The following TRHDE variants were observed in gnomAD, a reference collection of about 807,000 sequenced individuals.
TRHDE encodes the protein thyrotropin releasing hormone degrading enzyme.
In TRHDE, 72 loss-of-function variants were observed where a neutral mutation model predicts 125.7. The ratio of observed to expected loss-of-function variants is 0.57; its 90% CI spans 0.47 to 0.70. The LOEUF is 0.70. TRHDE is among the 30% of genes least tolerant of loss of function. The pLI is 0.00. For synonymous variants in TRHDE, 509 were observed against 509.1 expected, an observed-to-expected ratio of 1.00 and a Z score of 0.00; for missense variants, 1,110 against 1,327.1, an observed-to-expected ratio of 0.84 and a Z score of 2.54.
intron 6 of TRHDE, among the ~76,000 whole-genome samples, chr12:72,512,630 ATAT>A (rs1237961984): frequency 7.7e-5 from 11 of 142,878 alleles, no homozygotes; most frequent in East Asian, 6.0e-4. Flanking sequence ...CATATATATC[ATAT>A]TATCATATAT....
intron 2 of TRHDE, among the ~76,000 whole-genome samples, chr12:72,230,504 C>T (rs966419014): frequency 3.9e-5 from 6 of 152,188 alleles, no homozygotes; most frequent in Admixed American, 1.3e-4. Flanking sequence ...CAAATAAAAG[C>T]TGTCCGTAGA....
At chr12:72,327,877 C>T (rs1195880751) in intron 2 of TRHDE, among the ~76,000 whole-genome samples, 1 of 152,138 alleles carries the variant, frequency 6.6e-6, no homozygotes, top group Non-Finnish European at 1.5e-5. Flanking sequence ...TTGTTTCGCT[C>T]AGGCTTCTTT....
intron 3 of TRHDE, among the ~76,000 whole-genome samples, chr12:72,385,457 T>C (rs761921936): frequency 1.2e-4 from 19 of 152,150 alleles, no homozygotes; most frequent in Non-Finnish European, 1.9e-4. Context: ...TGTCTTCCTA[T>C]TTTATGTAGG....
chr12:72,091,618 G>T (rs1422482604), intron 1 of TRHDE, among the ~76,000 whole-genome samples: 1 of 152,124 alleles, frequency 6.6e-6, no homozygotes, highest in East Asian at 1.9e-4. Context: ...AATATTGTTG[G>T]AGGCCGAAAG....
chr12:72,601,178 C>T (rs1872190389), intron 12 of TRHDE, among the ~76,000 whole-genome samples: 1 of 152,036 alleles, frequency 6.6e-6, no homozygotes, highest in Admixed American at 6.5e-5. Flanking sequence ...TTGATTCCAA[C>T]TGTCTGGGAT....
chr12:72,456,891 G>A (rs1875883217), intron 3 of TRHDE, among the ~76,000 whole-genome samples: 1 of 152,024 alleles, frequency 6.6e-6, no homozygotes, highest in African/African-American at 2.4e-5. Flanking sequence ...AATTGAACTA[G>A]GGAATATTTG....
intron 2 of TRHDE, among the ~76,000 whole-genome samples, chr12:72,359,895 G>A (rs1262005732): frequency 2.0e-5 from 3 of 151,762 alleles, no homozygotes; most frequent in Non-Finnish European, 2.9e-5. Flanking sequence ...ATTACAGAAT[G>A]TGGTATTGGC....
intron 7 of TRHDE, among the ~76,000 whole-genome samples, chr12:72,545,205 A>T (rs191569174): frequency 4.8e-4 from 72 of 151,548 alleles, no homozygotes; most frequent in African/African-American, 1.2e-3. Flanking sequence ...AAATGCAAAA[A>T]TGTTTACATT....
chr12:72,380,740 TTCCTTCCTTCCTTCCTTCCTTCCTTG>T (rs1872114713), intron 3 of TRHDE, among the ~76,000 whole-genome samples: 1 of 97,150 alleles, frequency 1.0e-5, no homozygotes, highest in Admixed American at 1.0e-4. Context: ...CCTTGCTTCC[TTCCTTCCTTCCTTCCTTCCTTCCTTG>T]CTTCCTTCCT....
intron 6 of TRHDE, among the ~76,000 whole-genome samples, chr12:72,533,470 G>T (rs946574971): frequency 6.6e-6 from 1 of 152,070 alleles, no homozygotes; most frequent in South Asian, 2.1e-4. Flanking sequence ...ACCATGCCCA[G>T]CTGAAAATTA....
intron 10 of TRHDE, among the ~76,000 whole-genome samples, chr12:72,572,116 C>A (rs1036562540): frequency 1.3e-5 from 2 of 151,814 alleles, no homozygotes; most frequent in Non-Finnish European, 2.9e-5. Flanking sequence ...ACAAAATATC[C>A]TCATTTGATT....
chr12:72,100,433 A>T (rs1566214482), intron 1 of TRHDE, among the ~76,000 whole-genome samples: 1 of 152,202 alleles, frequency 6.6e-6, no homozygotes, highest in Non-Finnish European at 1.5e-5. Context: ...CTTAACGAAA[A>T]GCCAACAACT....
At position 72,550,486 on chromosome 12, in the gene TRHDE, A is replaced by G. The variant is rs530571208; in HGVS notation, c.1788+8130A>G. On this transcript the variant is annotated intron_variant, in intron 7 of 18. Transcript: ENST00000261180. ...AAAGTGCATGTAATAGCCTAGAACT[A>G]TATATTTGGAAAGGTTACAAAAAAT... Among the ~76,000 whole-genome samples, 6 of 152,058 alleles carry G rather than the reference A, an allele frequency of 3.9e-5. No individual in the cohort carries two copies. In the South Asian group the frequency reaches 8.3e-4, roughly 21 times the overall value.
intron 2 of TRHDE, among the ~76,000 whole-genome samples, chr12:72,357,925 CAA>C (rs995156937): frequency 6.8e-6 from 1 of 147,926 alleles, no homozygotes; most frequent in African/African-American, 2.5e-5. Context: ...TAGATCTCAA[CAA>C]AAAAAAGACA....
intron 6 of TRHDE, among the ~76,000 whole-genome samples, chr12:72,532,912 T>C (rs966372756): frequency 2.0e-5 from 3 of 151,804 alleles, no homozygotes; most frequent in Non-Finnish European, 4.4e-5. Flanking sequence ...ATGAAGGATA[T>C]TGGACTATAT....
chr12:72,456,893 G>A (rs185677731), intron 3 of TRHDE, among the ~76,000 whole-genome samples: 3 of 152,070 alleles, frequency 2.0e-5, no homozygotes, highest in East Asian at 3.9e-4. Context: ...TTGAACTAGG[G>A]AATATTTGGA....
At chr12:72,568,470 G>C (rs1870561478) in intron 9 of TRHDE, 98 bp from the exon 10 acceptor site, 2 of 760,642 alleles carry the variant, frequency 2.6e-6, no homozygotes, top group South Asian at 2.0e-5. Context: ...CACCTAATGA[G>C]AGTAATAAAA....
intron 2 of TRHDE, among the ~76,000 whole-genome samples, chr12:72,371,019 A>G (rs567134510): frequency 1.1e-4 from 17 of 152,300 alleles, no homozygotes; most frequent in African/African-American, 3.6e-4. Context: ...TGCTGGGATT[A>G]CAGGCGTGAG....
chr12:72,655,713 A>G lies in TRHDE; in HGVS notation c.2985-1214A>G, dbSNP rs146370976. Reference sequence around the variant, plus strand: ...TATTATTTTCTTATTATATCTTCACAGGACAATATAAGTAAAAACAACTAA... The same window carrying G: ...TATTATTTTCTTATTATATCTTCACGGGACAATATAAGTAAAAACAACTAA... On this transcript the variant is annotated intron_variant, in intron 17 of 18. Transcript: ENST00000261180. Among the ~76,000 whole-genome samples, 249 of 152,340 alleles carry G rather than the reference A, an allele frequency of 1.6e-3. 1 individual carries two copies. The highest frequency in any genetic ancestry group is 5.7e-3 in the African/African-American group (238 of 41,596).
Sources: allele counts gnomAD v4.1 joint callset (sites outside exome capture counted in the v4.1 genomes callset), GRCh38; gene constraint gnomAD v4.1.1; transcripts MANE v1.5; gene names NCBI Gene and HGNC (gene_info 2026-07-23, HGNC 2026-07-21).